The following WDR62 variants were observed in gnomAD, a reference collection of about 807,000 sequenced individuals.
WDR62 encodes WD repeat domain 62, also known as WD repeat-containing protein 62.
In WDR62, 112 loss-of-function variants were observed where a neutral mutation model predicts 160.6. The observed-to-expected ratio is 0.70, with a 90% CI of 0.60 to 0.82. The LOEUF (loss-of-function observed/expected upper bound fraction) is 0.82, where lower values mean the gene tolerates loss of function less well. Among genes scored for constraint, WDR62 ranks in the 40% least tolerant of loss-of-function variants. The pLI, the probability that WDR62 is intolerant of heterozygous loss-of-function variation, is 0.00. For missense variants in WDR62, 1,819 were observed against 1,983.8 expected, an observed-to-expected ratio of 0.92 and a Z score of 1.58; for synonymous variants, 792 against 815.1, an observed-to-expected ratio of 0.97 and a Z score of 0.48.
chr19:36,103,996 G>A lies in WDR62; in HGVS notation c.4153+15G>A, dbSNP rs986680183. 6.3e-7 allele frequency: 1 copy of A among 1,597,230 alleles called. No homozygotes were observed. The highest frequency in any genetic ancestry group is 8.5e-7 in the Non-Finnish European group (1 of 1,179,796). On this transcript the variant is annotated intron_variant, in intron 30 of 31. Coordinates refer to ENST00000401500, the MANE Select transcript of WDR62 (RefSeq NM_001083961.2). ...GCCCACCTCCGGTGAGTACAGCCCT[G>A]GAGCAAGGACTGTCCCCTAAGCTCA...
intron 2 of WDR62, 23 bp downstream of exon 2, chr19:36,058,894 G>A (rs777357632): frequency 6.3e-6 from 10 of 1,587,990 alleles, no homozygotes; most frequent in Middle Eastern, 1.7e-4. Context: ...GGGCCTCGAC[G>A]TCTAATCATT....
intron 10 of WDR62, among the ~76,000 whole-genome samples, chr19:36,082,363 G>A (rs1283882668): frequency 6.6e-6 from 1 of 152,206 alleles, no homozygotes; most frequent in African/African-American, 2.4e-5. Flanking sequence ...AGATTGGGAA[G>A]AGTAAAGAGG....
intron 9 of WDR62, among the ~76,000 whole-genome samples, chr19:36,077,589 C>G (rs1452450249): frequency 6.6e-6 from 1 of 150,692 alleles, no homozygotes; most frequent in Non-Finnish European, 1.5e-5. Context: ...TGTTTCCTTT[C>G]TTTTCCTCTT....
At chr19:36,076,247 T>G (rs186486038) in intron 9 of WDR62, among the ~76,000 whole-genome samples, 46 of 152,092 alleles carry the variant, frequency 3.0e-4, no homozygotes, top group Middle Eastern at 3.4e-3. Context: ...AATCAACCAT[T>G]TCTCGAAAAG....
intron 8 of WDR62, among the ~76,000 whole-genome samples, chr19:36,072,416 C>T: frequency 6.6e-6 from 1 of 152,138 alleles, no homozygotes; most frequent in Non-Finnish European, 1.5e-5. Context: ...TGTAGTCTAT[C>T]CTCAGGTCAG....
intron 3 of WDR62, among the ~76,000 whole-genome samples, chr19:36,063,683 TC>T (rs1370500618): frequency 4.6e-5 from 7 of 152,334 alleles, no homozygotes; most frequent in African/African-American, 1.7e-4. Context: ...GGTGCTGTGT[TC>T]TTCCTGGTGC....
At position 36,101,260 on chromosome 19, in the gene WDR62, G is replaced by C; in HGVS notation, c.2914G>C (p.Gly972Arg). 6.2e-7 allele frequency: 1 copy of C among 1,613,290 alleles called. No homozygotes were observed. The highest frequency in any genetic ancestry group is 8.5e-7 in the Non-Finnish European group (1 of 1,179,886). ...EVEAGPGDQQ[G>R]DSYLRVSSDS... ...GGAGGCCGGGCCTGGAGACCAGCAGGGCGACTCCTACCTCAGGGTGTCCTC... is the reference window on the plus strand; with the variant it reads ...GGAGGCCGGGCCTGGAGACCAGCAGCGCGACTCCTACCTCAGGGTGTCCTC... Residue 972 changes from glycine (G) to arginine (R), a missense_variant, in exon 24 of 32, where the codon GGC becomes CGC. Transcript: ENST00000401500.
At chr19:36,068,558 T>G (rs1599762395) in intron 7 of WDR62, among the ~76,000 whole-genome samples, 1 of 152,294 alleles carries the variant, frequency 6.6e-6, no homozygotes, top group South Asian at 2.1e-4. Flanking sequence ...TGGTGATGAC[T>G]CTTAACGAGT....
rs373558351 is a variant in WDR62, at chr19:36,099,461, C to T, written c.2583C>T (p.His861=). 26 of 1,613,812 alleles carry T rather than the reference C, an allele frequency of 1.6e-5. No individual in the cohort carries two copies. The highest frequency in any genetic ancestry group is 6.7e-5 in the African/African-American group (5 of 74,948). ...ACGCCAAGCGCAGCTACCAGCCCCA[C>T]GGCCGCTGGGCAGAGCGGGCCGGCC... The part of the protein sequence containing the change: ...AFHAKRSYQP[H]GRWAERAGQE... Residue 861 remains histidine, a synonymous_variant, in exon 22 of 32, where the codon CAC becomes CAT. Coordinates refer to ENST00000401500, the MANE Select transcript of WDR62 (RefSeq NM_001083961.2).
At chr19:36,055,487 A>C (rs1178803085) in intron 1 of WDR62, among the ~76,000 whole-genome samples, 4 of 152,188 alleles carry the variant, frequency 2.6e-5, no homozygotes. Flanking sequence ...AGCTCACTGC[A>C]GCCTCACTGC....
rs1176116863 is a variant in WDR62, at chr19:36,055,072, C to T, written c.101C>T (p.Pro34Leu). 5.6e-6 allele frequency: 9 copies of T among 1,595,596 alleles called. No homozygotes were observed. Among genetic ancestry groups the T allele is most frequent in the Admixed American group, 1.7e-5 (1 of 58,094 alleles). Residue 34 changes from proline (P) to leucine (L), a missense_variant, in exon 1 of 32, where the codon CCG becomes CTG. Pro to Leu is a moderately conservative substitution (Grantham distance 98). Transcript: ENST00000401500. ...GVPARRGQSS[P>L]PPAPPICLRR... ...CCGGCGCGGAGGGGCCAGTCCTCCC[C>T]GCCCCCCGCCCCACCAATCTGCCTA...
intron 10 of WDR62, among the ~76,000 whole-genome samples, chr19:36,082,406 C>T (rs937673595): frequency 5.9e-5 from 9 of 152,220 alleles, no homozygotes; most frequent in Middle Eastern, 3.4e-3. Context: ...AGGGAATAGC[C>T]TGTATGAAGG....
intron 10 of WDR62, 36 bp downstream of exon 10, chr19:36,081,606 G>A (rs367782274): frequency 1.4e-5 from 23 of 1,614,044 alleles, no homozygotes; most frequent in Non-Finnish European, 1.9e-5. Flanking sequence ...CTTTCAGGAG[G>A]AACAAAGACC....
intron 10 of WDR62, chr19:36,081,845 A>T: frequency 1.7e-6 from 1 of 584,996 alleles, no homozygotes; most frequent in Non-Finnish European, 3.2e-6. Flanking sequence ...GCAGCCCAAC[A>T]CACCCAGCCC....
rs1360395134 is a variant in WDR62 at position 36,067,986 on chromosome 19, G to A, written c.858G>A (p.Val286=). The A allele has an allele frequency of 6.2e-7, 1 of 1,614,046 alleles. No individual in the cohort carries two copies. Among genetic ancestry groups the A allele is most frequent in the Non-Finnish European group, 8.5e-7 (1 of 1,179,962 alleles). The change falls in exon 7 of 32, where the codon GTG becomes GTA. Residue 286 remains valine, a synonymous_variant. Coordinates refer to ENST00000401500, the MANE Select transcript of WDR62 (RefSeq NM_001083961.2). ...TCTGCCAGTTCAATGAGAAGAGGGT[G>A]CTGGAGAAGTGGATCAACCTGAAGG... The part of the protein sequence containing the change: ...GLLCQFNEKR[V]LEKWINLKVS...
In WDR62 at chr19:36,081,539, A is replaced by G. The variant is rs1273485234; in HGVS notation, c.1340A>G (p.Asp447Gly). The G allele has an allele frequency of 3.1e-6, 5 of 1,614,078 alleles. No individual in the cohort carries two copies. In the Admixed American group the frequency reaches 8.3e-5, roughly 27 times the overall value. The change falls in exon 10 of 32, where the codon GAT (aspartate) becomes GGT (glycine). Residue 447 changes from aspartate to glycine, a missense_variant. Physicochemically the swap from Asp to Gly is moderately conservative, Grantham distance 94. This residue lies in a region of WDR62 where 934 missense variants were observed against 1,157.2 expected (regional missense o/e 0.81). Coordinates refer to ENST00000401500, the MANE Select transcript of WDR62 (RefSeq NM_001083961.2). The part of the protein sequence containing the change: ...IRFWNLDSSP[D>G]SHWQKNIFSN... ...TTCTGGAACTTGGACAGCAGCCCTG[A>G]TTCTCACTGGCAGAAAAACATCTTC...
intron 24 of WDR62, 139 bp from the exon 25 acceptor site, chr19:36,101,525 C>T: frequency 1.2e-6 from 1 of 807,778 alleles, no homozygotes. Flanking sequence ...TGGAACTTCC[C>T]TTATTCATAA....
At position 36,054,956 on chromosome 19, in the gene WDR62, C is replaced by G. The variant is rs1040732366; in HGVS notation, c.-16C>G. ...GCGGTTAGGGGATGTAACGGTCGCC[C>G]GCCTCCGGCGTGACGATGGCGGCCG... On this transcript the variant is annotated 5_prime_UTR_variant, in exon 1 of 32. Transcript: ENST00000401500. 3 of 1,578,396 alleles carry G rather than the reference C, an allele frequency of 1.9e-6. No individual in the cohort carries two copies. The highest frequency in any genetic ancestry group is 1.3e-5 in the African/African-American group (1 of 74,564).
At chr19:36,091,033 C>G (rs1972568268) in intron 16 of WDR62, among the ~76,000 whole-genome samples, 167 bp from the exon 17 acceptor site, 1 of 152,268 alleles carries the variant, frequency 6.6e-6, no homozygotes, top group Admixed American at 6.5e-5. Context: ...ACTGTTGTTA[C>G]TGCTGCGGTG....
Sources: gnomAD v4.1 joint callset for allele counts (sites outside exome capture counted in the v4.1 genomes callset) on GRCh38, gnomAD v4.1.1 for gene constraint, gnomAD v4.1.1 regional missense constraint, MANE v1.5 for transcripts, NCBI Gene and HGNC (gene_info 2026-07-23, HGNC 2026-07-21) for gene names.